Variants in HDAC9 observed in about 807,000 individuals in gnomAD.
HDAC9 encodes MEF-2 interacting transcription repressor (MITR) protein.
In HDAC9, 41 loss-of-function variants were observed where a neutral mutation model predicts 139.4. That is an observed-to-expected ratio of 0.29 (90% confidence interval 0.23 to 0.38). The LOEUF (loss-of-function observed/expected upper bound fraction) is 0.38, where lower values mean the gene tolerates loss of function less well. HDAC9 is among the 10% of genes least tolerant of loss of function. The pLI is 1.00. For synonymous variants in HDAC9, 517 were observed against 476.2 expected (o/e 1.09, Z -1.12); for missense variants, 1,147 against 1,297.0 (o/e 0.88, Z 1.78).
At chr7:18,880,254 C>A (rs1369451585) in intron 22 of HDAC9, among the ~76,000 whole-genome samples, 1 of 152,134 alleles carries the variant, frequency 6.6e-6, no homozygotes, top group Non-Finnish European at 1.5e-5. Context: ...TGTGGCAATT[C>A]CTCAAAGAGC....
intron 1 of HDAC9, among the ~76,000 whole-genome samples, chr7:18,432,683 C>T (rs1007320572): frequency 2.0e-5 from 3 of 152,128 alleles, no homozygotes; most frequent in South Asian, 2.1e-4. Flanking sequence ...CGCTGTGGCT[C>T]ACGCCTGTAA....
rs185825271 is a variant in HDAC9, at chr7:18,750,397, C to A, written c.2043+1259C>A. 2.6e-4 allele frequency among the ~76,000 whole-genome samples: 36 copies of A among 139,390 alleles called. 1 individual carries two copies. The highest frequency in any genetic ancestry group is 7.0e-5 in the Admixed American group (1 of 14,190). The allele number at this position is 139,390 out of a possible 152,430, so 91.4% of individuals were successfully genotyped here. A position where few individuals can be genotyped will look rare whatever the true frequency, so the allele number is the denominator to read the frequency against. Reference sequence around the variant, plus strand: ...GTAGTTGAGATTGTGAATGAATATACCACAACACCATGTACAGATTTAGTC... The same window carrying A: ...GTAGTTGAGATTGTGAATGAATATAACACAACACCATGTACAGATTTAGTC... On this transcript the variant is annotated intron_variant, in intron 14 of 25. Coordinates refer to ENST00000686413, the MANE Select transcript of HDAC9 (RefSeq NM_178425.4).
In HDAC9 at chr7:18,690,894, C is replaced by T. The variant is rs969148759; in HGVS notation, c.1731+24418C>T. Among the ~76,000 whole-genome samples, 14 of 152,030 alleles carry T rather than the reference C, an allele frequency of 9.2e-5. No individual in the cohort carries two copies. The East Asian group carries it at 2.3e-3, about 25-fold the overall frequency. On this transcript the variant is annotated intron_variant, in intron 12 of 25. Transcript: ENST00000686413. ...TTTATGGAATTTGCCTCTCCTCACT[C>T]AGAAACAAAAGCATATTTCTGTTTG...
chr7:18,886,441 C>T (rs1800159102), intron 22 of HDAC9, among the ~76,000 whole-genome samples: 2 of 152,152 alleles, frequency 1.3e-5, no homozygotes, highest in Admixed American at 6.5e-5. Context: ...TACTGTATTC[C>T]ATTAATACTA....
chr7:18,468,817 C>T (rs1480597167), intron 1 of HDAC9, among the ~76,000 whole-genome samples: 1 of 152,148 alleles, frequency 6.6e-6, no homozygotes, highest in Non-Finnish European at 1.5e-5. Flanking sequence ...GTGTTGTCTT[C>T]CATTTCTAAG....
At chr7:18,949,136 T>A in intron 23 of HDAC9, 1 of 292,134 alleles carries the variant, frequency 3.4e-6, no homozygotes, top group South Asian at 3.4e-5. Flanking sequence ...TTGATGTTGA[T>A]GGTTTTGAGT....
At chr7:18,177,995 T>G (rs899321453) in intron 2 of HDAC9, among the ~76,000 whole-genome samples, 1 of 152,146 alleles carries the variant, frequency 6.6e-6, no homozygotes, top group Non-Finnish European at 1.5e-5. Context: ...ATTTGTTGAC[T>G]TTCGGTTCTT....
At position 18,593,903 on chromosome 7, in the gene HDAC9, T is replaced by C; in HGVS notation, c.543-5T>C. The C allele has an allele frequency of 6.2e-7, 1 of 1,612,500 alleles. No homozygotes were observed. Among genetic ancestry groups the C allele is most frequent in the Non-Finnish European group, 8.5e-7 (1 of 1,178,868 alleles). On this transcript the variant is annotated splice_polypyrimidine_tract_variant and splice_region_variant and intron_variant, in intron 5 of 25. Coordinates refer to ENST00000686413, the MANE Select transcript of HDAC9 (RefSeq NM_178425.4). ...TAAATAGTGAAACTTCCTTGTCTTT[T>C]CTAGGGCTGCCCACCACACATCATT...
intron 12 of HDAC9, among the ~76,000 whole-genome samples, chr7:18,672,466 G>T (rs1397729450): frequency 2.0e-5 from 3 of 151,888 alleles, no homozygotes; most frequent in South Asian, 4.1e-4. Flanking sequence ...CCTTTATCGG[G>T]TATATAAGTT....
intron 1 of HDAC9, among the ~76,000 whole-genome samples, chr7:18,452,885 G>A (rs534664493): frequency 7.2e-5 from 11 of 152,096 alleles, no homozygotes; most frequent in South Asian, 6.2e-4. Context: ...ACCCAGTTTC[G>A]GGTATATCTT....
At chr7:18,150,115 A>C (rs1242394596) in intron 1 of HDAC9, among the ~76,000 whole-genome samples, 1 of 150,238 alleles carries the variant, frequency 6.7e-6, no homozygotes, top group Non-Finnish European at 1.5e-5. Context: ...ATTTTAATTC[A>C]AAGTCGGCAC....
At chr7:18,686,618 G>A (rs1401228154) in intron 12 of HDAC9, among the ~76,000 whole-genome samples, 1 of 151,816 alleles carries the variant, frequency 6.6e-6, no homozygotes, top group East Asian at 1.9e-4. Flanking sequence ...TCACCTCTTA[G>A]AATATCTAGA....
intron 1 of HDAC9, among the ~76,000 whole-genome samples, chr7:18,336,284 C>G (rs621573): frequency 0.16 from 23,669 of 151,512 alleles, 2,096 homozygotes; most frequent in East Asian, 0.26. Context: ...TTAAATCCTT[C>G]ATGAGATGTT....
chr7:18,976,881 A>G (rs1325089979), intron 25 of HDAC9, among the ~76,000 whole-genome samples: 2 of 152,210 alleles, frequency 1.3e-5, no homozygotes, highest in East Asian at 1.9e-4. Context: ...CCCTCCGTCA[A>G]TAACATCACC....
chr7:18,215,861 A>G (rs1792272534), intron 2 of HDAC9, among the ~76,000 whole-genome samples: 1 of 152,180 alleles, frequency 6.6e-6, no homozygotes, highest in African/African-American at 2.4e-5. Flanking sequence ...GTTTTTGTCA[A>G]TCATATAAAT....
At chr7:18,992,706 CT>C (rs879269640) in intron 25 of HDAC9, among the ~76,000 whole-genome samples, 46 of 148,036 alleles carry the variant, frequency 3.1e-4, no homozygotes, top group East Asian at 9.9e-4. Flanking sequence ...AAATTACTTC[CT>C]TTTTTTTTTA....
chr7:18,978,036 C>G (rs1784662809), intron 25 of HDAC9, among the ~76,000 whole-genome samples: 1 of 151,824 alleles, frequency 6.6e-6, no homozygotes, highest in Admixed American at 6.6e-5. Flanking sequence ...AGTATTGTCC[C>G]CCTACTCAAA....
At chr7:18,331,028 T>C (rs1800881452) in intron 1 of HDAC9, among the ~76,000 whole-genome samples, 1 of 151,702 alleles carries the variant, frequency 6.6e-6, no homozygotes, top group Non-Finnish European at 1.5e-5. Context: ...AATAACTGGT[T>C]TCTCTGTTAT....
At chr7:18,258,193 G>A (rs956874470) in intron 2 of HDAC9, among the ~76,000 whole-genome samples, 1 of 152,168 alleles carries the variant, frequency 6.6e-6, no homozygotes, top group Non-Finnish European at 1.5e-5. Context: ...CTGGTTAAGC[G>A]TAGATCTATT....
Sources: allele counts gnomAD v4.1 joint callset (sites outside exome capture counted in the v4.1 genomes callset), GRCh38; gene constraint gnomAD v4.1.1; transcripts MANE v1.5; gene names NCBI Gene and HGNC (gene_info 2026-07-23, HGNC 2026-07-21).